The following GNAL variants were observed in gnomAD, a reference collection of about 807,000 sequenced individuals.
GNAL encodes the protein G protein subunit alpha L, also known as guanine nucleotide-binding protein G(olf) subunit alpha.
Under a neutral mutation model 55.1 loss-of-function variants are expected in GNAL, and 18 were observed. The ratio of observed to expected loss-of-function variants is 0.33; its 90% CI spans 0.23 to 0.48. The LOEUF (loss-of-function observed/expected upper bound fraction) is 0.48, where lower values mean the gene tolerates loss of function less well. Ranked by LOEUF, GNAL falls within the 20% of genes least tolerant of loss-of-function variation. The pLI, the probability that GNAL is intolerant of heterozygous loss-of-function variation, is 0.99. For synonymous variants in GNAL, 253 were observed against 237.0 expected (o/e 1.07, Z -0.62); for missense variants, 412 against 614.1 (o/e 0.67, Z 3.48).
chr18:11,773,422 T>G (rs1364524969), intron 4 of GNAL, among the ~76,000 whole-genome samples: 2 of 152,230 alleles, frequency 1.3e-5, no homozygotes, highest in African/African-American at 4.8e-5. Context: ...GGCTTGATAT[T>G]GTTTCTTAAG....
intron 4 of GNAL, among the ~76,000 whole-genome samples, chr18:11,762,203 G>A (rs1598436208): frequency 6.6e-6 from 1 of 152,194 alleles, no homozygotes; most frequent in Non-Finnish European, 1.5e-5. Context: ...ATGGAACGTG[G>A]CTTCCTGAGC....
At chr18:11,874,573 C>A (rs1400966439) in intron 10 of GNAL, among the ~76,000 whole-genome samples, 4 of 104,850 alleles carry the variant, frequency 3.8e-5, no homozygotes, top group African/African-American at 1.5e-4. Context: ...CCAGCCTGGG[C>A]GACAGAACAA....
intron 4 of GNAL, among the ~76,000 whole-genome samples, chr18:11,764,263 C>T (rs1233199175): frequency 6.6e-6 from 1 of 152,014 alleles, no homozygotes; most frequent in Non-Finnish European, 1.5e-5. Flanking sequence ...TGCCACCATG[C>T]CCAGCTAATT....
At chr18:11,845,947 C>T (rs1192731852) in intron 5 of GNAL, among the ~76,000 whole-genome samples, 1 of 152,032 alleles carries the variant, frequency 6.6e-6, no homozygotes, top group Non-Finnish European at 1.5e-5. Flanking sequence ...ATTTTTTTCT[C>T]TTAGTAAGTC....
chr18:11,712,296 G>A (rs2031857567), intron 1 of GNAL, among the ~76,000 whole-genome samples: 1 of 152,214 alleles, frequency 6.6e-6, no homozygotes, highest in African/African-American at 2.4e-5. Context: ...GGCCAGGGTG[G>A]TCTTTCTGGG....
chr18:11,777,359 A>T (rs1455209573), intron 4 of GNAL, among the ~76,000 whole-genome samples: 1 of 152,192 alleles, frequency 6.6e-6, no homozygotes, highest in Non-Finnish European at 1.5e-5. Flanking sequence ...CTGCTTTAGG[A>T]ACTCTGCCAG....
Position 11,821,139 on chromosome 18 carries a change from C to T in GNAL, c.625-3779C>T, listed in dbSNP as rs967443211. On this transcript the variant is annotated intron_variant, in intron 4 of 11. Coordinates refer to ENST00000334049, the MANE Select transcript of GNAL (RefSeq NM_182978.4). ...AATCGTGGAAGGACCACAGAAGTTA[C>T]TGAGCTTTACAGACCTGTGGGAATC... Among the ~76,000 whole-genome samples, 4 of 152,234 alleles carry T rather than the reference C, an allele frequency of 2.6e-5. 1 individual carries two copies. The highest frequency in any genetic ancestry group is 4.1e-4 in the South Asian group (2 of 4,834).
In GNAL at chr18:11,884,435, C is replaced by G. The variant is rs373020731; in HGVS notation, c.*3300C>G. The G allele has an allele frequency of 2.8e-5, 45 of 1,611,652 alleles. No homozygotes were observed. The African/African-American group carries it at 5.9e-4, about 21-fold the overall frequency. On this transcript the variant is annotated 3_prime_UTR_variant, in exon 12 of 12. Coordinates refer to ENST00000334049, the MANE Select transcript of GNAL (RefSeq NM_182978.4). ...TCTTGGGCTTTGATATTTATAATGGCGCCTGCTCTTCATCTTGTCTTACGC... is the reference window on the plus strand; with the variant it reads ...TCTTGGGCTTTGATATTTATAATGGGGCCTGCTCTTCATCTTGTCTTACGC...
At position 11,752,478 on chromosome 18, in the gene GNAL, C is replaced by T. The variant is rs752025845; in HGVS notation, c.377-375C>T. On this transcript the variant is annotated intron_variant, in intron 1 of 11. Transcript: ENST00000334049. This position sits in a 1 kb window ranked among gnomAD's most constrained non-coding sequence, Gnocchi z 4.5. ...ACAGCAAGACGACGGAAGACCAGGGCGTCGATGAAAAAGAACGACGCGAGG... is the reference window on the plus strand; with the variant it reads ...ACAGCAAGACGACGGAAGACCAGGGTGTCGATGAAAAAGAACGACGCGAGG... 2 of 1,611,848 alleles carry T rather than the reference C, an allele frequency of 1.2e-6. No homozygotes were observed. The highest frequency in any genetic ancestry group is 8.5e-7 in the Non-Finnish European group (1 of 1,179,088).
At chr18:11,755,621 T>G (rs898001982) in intron 4 of GNAL, among the ~76,000 whole-genome samples, 3 of 152,190 alleles carry the variant, frequency 2.0e-5, no homozygotes, top group Non-Finnish European at 2.9e-5. Flanking sequence ...TTTAATATGA[T>G]TTTTGCTTCT....
At chr18:11,746,243 G>GAGA (rs2032685366) in intron 1 of GNAL, 3 of 474,164 alleles carry the variant, frequency 6.3e-6, no homozygotes, top group Non-Finnish European at 4.2e-6. Flanking sequence ...TAACAATGTG[G>GAGA]AGAAGCTCTT....
chr18:11,731,396 G>T (rs1165725670), intron 1 of GNAL, among the ~76,000 whole-genome samples: 1 of 152,206 alleles, frequency 6.6e-6, no homozygotes, highest in Non-Finnish European at 1.5e-5. Flanking sequence ...TGATCCACCC[G>T]CCTTGGCCTC....
chr18:11,716,677 G>A (rs931699940), intron 1 of GNAL, among the ~76,000 whole-genome samples: 1 of 152,158 alleles, frequency 6.6e-6, no homozygotes, highest in Non-Finnish European at 1.5e-5. Flanking sequence ...GTGTCCACAC[G>A]AAGGTTCTCC....
chr18:11,819,877 CAACAA>C (rs1476983850), intron 4 of GNAL, among the ~76,000 whole-genome samples: 1 of 20,388 alleles, frequency 4.9e-5, no homozygotes, highest in Admixed American at 1.5e-3. Context: ...TGACAACAGA[CAACAA>C]GAGAAAAGAC....
At chr18:11,695,658 C>T (rs1021181509) in intron 1 of GNAL, among the ~76,000 whole-genome samples, 2 of 152,130 alleles carry the variant, frequency 1.3e-5, no homozygotes, top group Admixed American at 1.3e-4. Context: ...TAATATGATT[C>T]TTTTCCTGGA....
chr18:11,826,193 C>T (rs551246960), intron 5 of GNAL, among the ~76,000 whole-genome samples: 8 of 152,040 alleles, frequency 5.3e-5, no homozygotes, highest in African/African-American at 1.9e-4. Context: ...AAGCACCCAG[C>T]GAAGCCCAGA....
intron 5 of GNAL, among the ~76,000 whole-genome samples, chr18:11,848,657 A>C (rs2035790166): frequency 6.6e-6 from 1 of 151,878 alleles, no homozygotes; most frequent in East Asian, 1.9e-4. Context: ...GGCTTTCCCC[A>C]TGTTGGCCAG....
rs1443754483 is a variant in GNAL, at chr18:11,885,220, C to T, written c.*4085C>T. 5.7e-6 allele frequency: 2 copies of T among 352,370 alleles called. No homozygotes were observed. Among genetic ancestry groups the T allele is most frequent in the Non-Finnish European group, 9.6e-6 (2 of 208,602 alleles). The allele number at this position is 352,370 out of a possible 1,614,324, so 21.8% of individuals were successfully genotyped here. A position where few individuals can be genotyped will look rare whatever the true frequency, so the allele number is the denominator to read the frequency against. On this transcript the variant is annotated 3_prime_UTR_variant, in exon 12 of 12. Coordinates refer to ENST00000334049, the MANE Select transcript of GNAL (RefSeq NM_182978.4). ...CAGCATCATGAGCTGGATGCAGGAG[C>T]CCATGGCTGAAAGGAGTTAAAACGC...
chr18:11,762,040 G>A (rs2033260894), intron 4 of GNAL, among the ~76,000 whole-genome samples: 1 of 152,216 alleles, frequency 6.6e-6, no homozygotes, highest in South Asian at 2.1e-4. Context: ...AGTGATGTGT[G>A]TTGAAAATAG....
Sources: allele counts gnomAD v4.1 joint callset (sites outside exome capture counted in the v4.1 genomes callset), GRCh38; gene constraint gnomAD v4.1.1; non-coding constraint Gnocchi (gnomAD v3.1); transcripts MANE v1.5; gene names NCBI Gene and HGNC (gene_info 2026-07-23, HGNC 2026-07-21).